ZYG11B: variants seen among roughly 807,000 people sequenced by gnomAD.
ZYG11B encodes protein zyg-11 homolog B.
In ZYG11B, 36 loss-of-function variants were observed where a neutral mutation model predicts 82.4. The ratio of observed to expected loss-of-function variants is 0.44; its 90% CI spans 0.33 to 0.58. ZYG11B has a LOEUF of 0.58. Among genes scored for constraint, ZYG11B ranks in the 20% least tolerant of loss-of-function variants. The pLI, the probability that ZYG11B is intolerant of heterozygous loss-of-function variation, is 0.02. For missense variants in ZYG11B, 552 were observed against 895.6 expected (o/e 0.62, Z 4.90); for synonymous variants, 303 against 312.8 (o/e 0.97, Z 0.33).
intron 8 of ZYG11B, among the ~76,000 whole-genome samples, 168 bp downstream of exon 8, chr1:52,796,952 T>A (rs1301638543): frequency 1.0e-5 from 1 of 96,614 alleles, no homozygotes; most frequent in Non-Finnish European, 1.8e-5. Context: ...TAATGTATAA[T>A]TATATATTAT....
At chr1:52,747,910 A>G (rs1054789928) in intron 1 of ZYG11B, among the ~76,000 whole-genome samples, 2 of 152,196 alleles carry the variant, frequency 1.3e-5, no homozygotes, top group Non-Finnish European at 2.9e-5. Context: ...CCTTATCTGT[A>G]GAATAGGGAT....
intron 2 of ZYG11B, among the ~76,000 whole-genome samples, chr1:52,770,708 A>T (rs1644742910): frequency 6.6e-6 from 1 of 152,236 alleles, no homozygotes; most frequent in South Asian, 2.1e-4. Flanking sequence ...ACATGGCTCC[A>T]GCTAACTCCA....
chr1:52,781,990 G>C (rs1474795225), intron 4 of ZYG11B, among the ~76,000 whole-genome samples: 1 of 151,342 alleles, frequency 6.6e-6, no homozygotes, highest in African/African-American at 2.4e-5. Flanking sequence ...CTCTAGTCTT[G>C]ATCTGAAATA....
In ZYG11B at chr1:52,824,936, A is replaced by G. The variant is rs532268693; in HGVS notation, c.*3307A>G. ...GGCTAGAGGTGCTGTTTCAAGCACA[A>G]TTTAGACTAGGGTTGAACCACTCAT... On this transcript the variant is annotated 3_prime_UTR_variant, in exon 14 of 14. Transcript: ENST00000294353. 51 of 152,260 alleles carry G rather than the reference A, an allele frequency of 3.3e-4. No homozygotes were observed. The highest frequency in any genetic ancestry group is 1.1e-3 in the African/African-American group (47 of 41,562). 9.4% of individuals were successfully genotyped at this position (152,260 alleles called of 1,614,324 possible). A position where few individuals can be genotyped will look rare whatever the true frequency, so the allele number is the denominator to read the frequency against.
rs1644901482 is a variant in ZYG11B, at chr1:52,784,995, T to C, written c.1211T>C (p.Leu404Pro). The change falls in exon 5 of 14, where the codon CTG (leucine) becomes CCG (proline). Residue 404 changes from leucine to proline, a missense_variant. Transcript: ENST00000294353. ...GCTGCAGGGATGCCTGTCCGACTCCTGGCTGATGTGACCCATTTGCTGCTC... is the reference window on the plus strand; with the variant it reads ...GCTGCAGGGATGCCTGTCCGACTCCCGGCTGATGTGACCCATTTGCTGCTC... Reference protein sequence around the residue: ...DLAAGMPVRLLADVTHLLLKA... With the variant: ...DLAAGMPVRLPADVTHLLLKA... 1.2e-6 allele frequency: 2 copies of C among 1,614,048 alleles called. No homozygotes were observed. The highest frequency in any genetic ancestry group is 1.7e-5 in the Admixed American group (1 of 59,970).
chr1:52,750,265 C>T lies in ZYG11B; in HGVS notation c.31-6193C>T, dbSNP rs1644509842. Among the ~76,000 whole-genome samples, 3 of 132,508 alleles carry T rather than the reference C, an allele frequency of 2.3e-5. No homozygotes were observed. In the Admixed American group the frequency reaches 2.4e-4, roughly 11 times the overall value. The allele number at this position is 132,508 out of a possible 152,430, so 86.9% of individuals were successfully genotyped here. Reference sequence around the variant, plus strand: ...AGTGTGAGCCACTCTGCCTGGCCCCCAGCAACTATTTTTTTTTTTTTTTTG... The same window carrying T: ...AGTGTGAGCCACTCTGCCTGGCCCCTAGCAACTATTTTTTTTTTTTTTTTG... On this transcript the variant is annotated intron_variant, in intron 1 of 13. Coordinates refer to ENST00000294353, the MANE Select transcript of ZYG11B (RefSeq NM_024646.3).
intron 1 of ZYG11B, among the ~76,000 whole-genome samples, 170 bp downstream of exon 1, chr1:52,726,853 A>C (rs1251007886): frequency 1.4e-5 from 2 of 146,294 alleles, no homozygotes; most frequent in East Asian, 2.0e-4. Flanking sequence ...CTCCTTCCCC[A>C]TTCACCTGCT....
At chr1:52,769,765 A>G (rs1046622234) in intron 2 of ZYG11B, among the ~76,000 whole-genome samples, 8 of 152,322 alleles carry the variant, frequency 5.3e-5, no homozygotes, top group African/African-American at 1.7e-4. Context: ...CATTTTGAGT[A>G]TGGGCCAGCT....
At chr1:52,744,367 A>G (rs116337928) in intron 1 of ZYG11B, among the ~76,000 whole-genome samples, 2,875 of 152,318 alleles carry the variant, frequency 0.019, 91 homozygotes, top group African/African-American at 0.066. Flanking sequence ...TCACACAATG[A>G]CAAAATTGCC....
chr1:52,805,635 C>T lies in ZYG11B; in HGVS notation c.1695+3496C>T, dbSNP rs1319011855. 4 of 329,426 alleles carry T rather than the reference C, an allele frequency of 1.2e-5. No individual in the cohort carries two copies. In the Admixed American group the frequency reaches 1.5e-4, roughly 12 times the overall value. 20.4% of individuals were successfully genotyped at this position (329,426 alleles called of 1,614,324 possible). A position where few individuals can be genotyped will look rare whatever the true frequency, so the allele number is the denominator to read the frequency against. ...TCACGTGCGGTCAGGAGTTCAAGAC[C>T]AGCCTAGCCAACATGGTGAAACCCC... is the stretch of plus-strand genomic sequence containing the variant. On this transcript the variant is annotated intron_variant, in intron 10 of 13. Coordinates refer to ENST00000294353, the MANE Select transcript of ZYG11B (RefSeq NM_024646.3).
chr1:52,771,898 A>G lies in ZYG11B; in HGVS notation c.951+124A>G. 8.4e-7 allele frequency: 1 copy of G among 1,192,108 alleles called. No individual in the cohort carries two copies. The highest frequency in any genetic ancestry group is 1.2e-6 in the Non-Finnish European group (1 of 856,328). 73.8% of individuals were successfully genotyped at this position (1,192,108 alleles called of 1,614,324 possible). ...CATGAAACAGGGCTGCATATAGTTG[A>G]AAGGCTTAGAGTCCTAATTAAAATC... On this transcript the variant is annotated intron_variant, in intron 3 of 13. Transcript: ENST00000294353. This position sits in a 1 kb window ranked among gnomAD's most constrained non-coding sequence, Gnocchi z 5.4.
chr1:52,735,855 C>A lies in ZYG11B; in HGVS notation c.30+9172C>A, dbSNP rs528208059. Among the ~76,000 whole-genome samples the A allele has an allele frequency of 1.3e-3, 201 of 152,202 alleles. 1 individual carries two copies. Among genetic ancestry groups the A allele is most frequent in the Non-Finnish European group, 2.5e-3 (170 of 68,030 alleles). On this transcript the variant is annotated intron_variant, in intron 1 of 13. Transcript: ENST00000294353. ...TGAGACAATAGACCCTGTGAAGATA[C>A]CTTTTTAACACTGAAAACCTTGAGA...
rs10660798 is a variant in ZYG11B, at chr1:52,793,901, T to TTCCTTCC, written c.1335-2390_1335-2389insCCTTCCT. 1.1e-3 allele frequency among the ~76,000 whole-genome samples: 129 copies of TTCCTTCC among 113,058 alleles called. No homozygotes were observed. In the Middle Eastern group the frequency reaches 0.013, roughly 11 times the overall value. The allele number at this position is 113,058 out of a possible 152,430, so 74.2% of individuals were successfully genotyped here. ...CTTCCTTCCTTCCTTCCTTCCTTCC[T>TTCCTTCC]TTCTTTCCTTTCTTTCCTTTCTTAG... On this transcript the variant is annotated intron_variant, in intron 6 of 13. Transcript: ENST00000294353.
chr1:52,801,804 T>A lies in ZYG11B; in HGVS notation c.1486-15T>A. The A allele has an allele frequency of 6.9e-7, 1 of 1,459,018 alleles. No homozygotes were observed. Among genetic ancestry groups the A allele is most frequent in the Non-Finnish European group, 9.0e-7 (1 of 1,106,994 alleles). The allele number at this position is 1,459,018 out of a possible 1,614,324, so 90.4% of individuals were successfully genotyped here. ...TTCAAAAGTGAAAACTTATTTCTGT[T>A]TTTTTTTTTTTCAGCAACTTCTTCA... On this transcript the variant is annotated splice_polypyrimidine_tract_variant and intron_variant, in intron 8 of 13. Transcript: ENST00000294353.
At chr1:52,781,774 G>A (rs1188523708) in intron 4 of ZYG11B, among the ~76,000 whole-genome samples, 1 of 152,178 alleles carries the variant, frequency 6.6e-6, no homozygotes, top group African/African-American at 2.4e-5. Context: ...TAAGTCAGTG[G>A]CAGAGCCACA....
At chr1:52,820,296 A>G (rs2149969183) in intron 13 of ZYG11B, among the ~76,000 whole-genome samples, 2 of 151,816 alleles carry the variant, frequency 1.3e-5, no homozygotes, top group Middle Eastern at 6.8e-3. Flanking sequence ...TTAGGTTCCT[A>G]CCTTGTGGGC....
chr1:52,746,671 A>G (rs1644478479), intron 1 of ZYG11B, among the ~76,000 whole-genome samples: 1 of 138,854 alleles, frequency 7.2e-6, no homozygotes, highest in Admixed American at 8.1e-5. Flanking sequence ...AACCAAAAAA[A>G]TAAAGATCGG....
intron 2 of ZYG11B, 134 bp from the exon 3 acceptor site, chr1:52,770,886 C>T: frequency 9.5e-7 from 1 of 1,047,946 alleles, no homozygotes; most frequent in South Asian, 1.6e-5. Flanking sequence ...CAATAATAAT[C>T]TCACCTAAAT....
At chr1:52,821,353 G>A in intron 13 of ZYG11B, 86 bp from the exon 14 acceptor site, 1 of 1,415,486 alleles carries the variant, frequency 7.1e-7, no homozygotes, top group Non-Finnish European at 9.4e-7. Flanking sequence ...ATGGCTCCTA[G>A]AAGTCATTTT....
Sources: gnomAD v4.1 joint callset for allele counts (sites outside exome capture counted in the v4.1 genomes callset) on GRCh38, gnomAD v4.1.1 for gene constraint, Gnocchi (gnomAD v3.1) non-coding constraint, MANE v1.5 for transcripts, NCBI Gene and HGNC (gene_info 2026-07-23, HGNC 2026-07-21) for gene names.